The following BACH2 variants were observed in gnomAD, a reference collection of about 807,000 sequenced individuals.
The protein encoded by BACH2 is BACH transcriptional regulator 2.
BACH2 carries 5 observed loss-of-function variants against 61.8 expected under a neutral mutation model. The ratio of observed to expected loss-of-function variants is 0.08; its 90% CI spans 0.04 to 0.17. The LOEUF is 0.17. BACH2 is among the 10% of genes least tolerant of loss of function. The probability of loss-of-function intolerance (pLI) is 1.00; values close to 1 mark genes in which losing one functional copy is unlikely to be tolerated. For synonymous variants in BACH2, 446 were observed against 440.1 expected (o/e 1.01, Z -0.17); for missense variants, 824 against 1,091.1 (o/e 0.76, Z 3.45).
At chr6:90,052,841 A>C (rs764725801) in intron 5 of BACH2, among the ~76,000 whole-genome samples, 24 of 152,214 alleles carry the variant, frequency 1.6e-4, no homozygotes, top group Non-Finnish European at 2.9e-4. Flanking sequence ...AATTGGTATT[A>C]TATTTTTTAA....
At chr6:90,230,161 C>A (rs921497394) in intron 3 of BACH2, among the ~76,000 whole-genome samples, 9 of 152,322 alleles carry the variant, frequency 5.9e-5, no homozygotes, top group Middle Eastern at 3.4e-3. Context: ...GGCCATACTA[C>A]GTGGGTTCAA....
chr6:90,121,165 CA>C (rs1280740014), intron 4 of BACH2, among the ~76,000 whole-genome samples: 1 of 152,190 alleles, frequency 6.6e-6, no homozygotes, highest in Non-Finnish European at 1.5e-5. Flanking sequence ...TCAGCAGACC[CA>C]AACTCGAAGA....
chr6:90,227,806 A>G (rs938449908), intron 3 of BACH2, among the ~76,000 whole-genome samples: 1 of 142,594 alleles, frequency 7.0e-6, no homozygotes, highest in Non-Finnish European at 1.6e-5. Flanking sequence ...ATATCCCTTT[A>G]AAAAAAAAAA....
intron 4 of BACH2, among the ~76,000 whole-genome samples, chr6:90,151,404 T>G (rs1354205287): frequency 6.6e-6 from 1 of 152,076 alleles, no homozygotes; most frequent in Non-Finnish European, 1.5e-5. Context: ...CCTGCCTCAG[T>G]CTCCTGAGTA....
intron 4 of BACH2, among the ~76,000 whole-genome samples, chr6:90,187,576 A>G (rs1413947429): frequency 6.6e-6 from 1 of 152,226 alleles, no homozygotes; most frequent in East Asian, 1.9e-4. Context: ...TCTGCTTTGC[A>G]TGATGAAGAA....
chr6:90,100,702 GACACAC>G (rs372719418), intron 4 of BACH2, among the ~76,000 whole-genome samples: 14 of 64,248 alleles, frequency 2.2e-4, no homozygotes, highest in East Asian at 5.4e-4. Context: ...CACACACACA[GACACAC>G]ACACACACAC....
intron 6 of BACH2, among the ~76,000 whole-genome samples, chr6:89,963,436 G>A (rs1352387634): frequency 2.0e-5 from 3 of 152,140 alleles, no homozygotes; most frequent in African/African-American, 4.8e-5. Context: ...TGGGACAGGA[G>A]GCACATACCG....
intron 3 of BACH2, among the ~76,000 whole-genome samples, chr6:90,225,809 G>A (rs888372703): frequency 2.6e-5 from 4 of 152,196 alleles, no homozygotes; most frequent in Admixed American, 2.6e-4. Context: ...TGTGGTGGAG[G>A]AGAAAGGCTG....
intron 4 of BACH2, among the ~76,000 whole-genome samples, chr6:90,163,955 G>A (rs948835954): frequency 7.9e-5 from 12 of 152,176 alleles, no homozygotes; most frequent in Non-Finnish European, 2.9e-5. Context: ...GCCCACAAGA[G>A]AAAGCAGGAA....
intron 4 of BACH2, among the ~76,000 whole-genome samples, chr6:90,103,129 T>C (rs1171798678): frequency 6.7e-6 from 1 of 149,214 alleles, no homozygotes; most frequent in Non-Finnish European, 1.5e-5. Flanking sequence ...TCTTGATCCA[T>C]GAGTCACTGA....
chr6:90,060,899 G>C (rs1210571868), intron 5 of BACH2, among the ~76,000 whole-genome samples: 1 of 152,132 alleles, frequency 6.6e-6, no homozygotes, highest in Non-Finnish European at 1.5e-5. Flanking sequence ...ACAAGGGATG[G>C]CCAATTCTGC....
Position 89,983,591 on chromosome 6 carries a change from C to T in BACH2, c.243+25011G>A, listed in dbSNP as rs374259225. ...GGCTGAGGCAGGAGAATCACTTGAA[C>T]CCAGGAGGCAGAGGTTGCGGTGAGC... On this transcript the variant is annotated intron_variant, in intron 6 of 8. Coordinates refer to ENST00000257749, the MANE Select transcript of BACH2 (RefSeq NM_021813.4). Among the ~76,000 whole-genome samples, 38 of 152,278 alleles carry T rather than the reference C, an allele frequency of 2.5e-4. 2 individuals carry two copies. Among genetic ancestry groups the T allele is most frequent in the Middle Eastern group, 3.4e-3 (1 of 294 alleles).
At position 89,957,729 on chromosome 6, in the gene BACH2, C is replaced by T. The variant is rs3904387; in HGVS notation, c.244-5867G>A. Among the ~76,000 whole-genome samples, 192 of 152,148 alleles carry T rather than the reference C, an allele frequency of 1.3e-3. 1 individual carries two copies. The highest frequency in any genetic ancestry group is 4.1e-3 in the African/African-American group (170 of 41,508). ...CTAATTTTTGTATTTTTAGTAGAGACGGGGTTTCACTATGTTGCCCAGGTG... is the reference window on the plus strand; with the variant it reads ...CTAATTTTTGTATTTTTAGTAGAGATGGGGTTTCACTATGTTGCCCAGGTG... On this transcript the variant is annotated intron_variant, in intron 6 of 8. Coordinates refer to ENST00000257749, the MANE Select transcript of BACH2 (RefSeq NM_021813.4).
intron 4 of BACH2, among the ~76,000 whole-genome samples, chr6:90,191,277 T>C (rs1768561271): frequency 6.6e-6 from 1 of 152,190 alleles, no homozygotes; most frequent in Admixed American, 6.5e-5. Flanking sequence ...TAATGGATAT[T>C]TAAGAAGTAT....
chr6:89,988,769 C>A (rs144363841), intron 6 of BACH2, among the ~76,000 whole-genome samples: 2 of 152,126 alleles, frequency 1.3e-5, no homozygotes, highest in African/African-American at 4.8e-5. Context: ...GAAAGAAAAT[C>A]GTTTCTTATG....
At chr6:90,236,092 T>C (rs542056567) in intron 3 of BACH2, among the ~76,000 whole-genome samples, 1 of 152,358 alleles carries the variant, frequency 6.6e-6, no homozygotes, top group South Asian at 2.1e-4. Flanking sequence ...CTCAAGCCTG[T>C]TTTACTAACT....
intron 6 of BACH2, among the ~76,000 whole-genome samples, chr6:89,973,134 G>A (rs755115805): frequency 1.4e-4 from 21 of 152,286 alleles, no homozygotes; most frequent in Non-Finnish European, 2.4e-4. Context: ...GGGCGTGTTG[G>A]CTTGGGCCTG....
intron 6 of BACH2, among the ~76,000 whole-genome samples, chr6:89,996,016 C>T (rs550224509): frequency 6.6e-6 from 1 of 152,310 alleles, no homozygotes; most frequent in East Asian, 1.9e-4. Flanking sequence ...TCAATCTCAG[C>T]CCCTGCCCCT....
intron 6 of BACH2, among the ~76,000 whole-genome samples, chr6:89,961,568 A>G (rs1774746618): frequency 6.6e-6 from 1 of 152,230 alleles, no homozygotes; most frequent in South Asian, 2.1e-4. Context: ...AGTCATTTCA[A>G]ACCAACTATG....
Sources: allele counts gnomAD v4.1 joint callset (sites outside exome capture counted in the v4.1 genomes callset), GRCh38; gene constraint gnomAD v4.1.1; transcripts MANE v1.5; gene names NCBI Gene and HGNC (gene_info 2026-07-23, HGNC 2026-07-21).